SEMA3C: variants seen among roughly 807,000 people sequenced by gnomAD.
SEMA3C encodes semaphorin-3C.
A neutral mutation model predicts 89.4 loss-of-function variants in SEMA3C; 47 were observed. That is an observed-to-expected ratio of 0.53 (90% CI 0.42 to 0.67). SEMA3C has a LOEUF of 0.67. SEMA3C is among the 30% of genes least tolerant of loss of function. The pLI, the probability that SEMA3C is intolerant of heterozygous loss-of-function variation, is 0.00. For missense variants in SEMA3C, 839 were observed against 929.1 expected, an observed-to-expected ratio of 0.90 and a Z score of 1.26; for synonymous variants, 310 against 320.2, an observed-to-expected ratio of 0.97 and a Z score of 0.34.
In SEMA3C at chr7:80,893,332, C is replaced by T. The variant is rs1367547957; in HGVS notation, c.103+23347G>A. Among the ~76,000 whole-genome samples the T allele has an allele frequency of 2.0e-5, 3 of 152,078 alleles. No homozygotes were observed. The East Asian group carries it at 5.8e-4, about 29-fold the overall frequency. ...ATGACATGGTGTCTTAGACTCGAGG[C>T]AGAACAAATTGGGAAATTTATGTCT... On this transcript the variant is annotated intron_variant, in intron 2 of 17. Transcript: ENST00000265361.
intron 14 of SEMA3C, among the ~76,000 whole-genome samples, 172 bp from the exon 15 acceptor site, chr7:80,758,660 C>T (rs536934230): frequency 6.6e-6 from 1 of 152,230 alleles, no homozygotes; most frequent in Middle Eastern, 3.4e-3. Context: ...AATTTTCCTA[C>T]ATTAATATGC....
chr7:80,798,339 C>T, intron 10 of SEMA3C, 103 bp from the exon 11 acceptor site: 2 of 1,045,014 alleles, frequency 1.9e-6, no homozygotes. Context: ...TATAATCCAC[C>T]ATAGAAAAGT....
intron 16 of SEMA3C, among the ~76,000 whole-genome samples, chr7:80,750,465 T>TACACACACAC (rs1222077930): frequency 1.6e-5 from 1 of 63,898 alleles, no homozygotes; most frequent in Non-Finnish European, 3.2e-5. Flanking sequence ...TATATATATA[T>TACACACACAC]ATATATATAC....
At chr7:80,854,123 T>C (rs1790580101) in intron 2 of SEMA3C, among the ~76,000 whole-genome samples, 1 of 152,180 alleles carries the variant, frequency 6.6e-6, no homozygotes. Flanking sequence ...ACAATGACCC[T>C]GAAAAATACA....
chr7:80,762,589 C>A (rs543264810), intron 13 of SEMA3C, among the ~76,000 whole-genome samples: 3 of 152,186 alleles, frequency 2.0e-5, no homozygotes, highest in Admixed American at 1.3e-4. Flanking sequence ...GAGGCTGAGG[C>A]GGGCGGATCA....
intron 5 of SEMA3C, among the ~76,000 whole-genome samples, chr7:80,812,961 A>ATTTTTTTT (rs1215661147): frequency 3.2e-5 from 3 of 92,506 alleles, no homozygotes; most frequent in East Asian, 5.5e-4. Flanking sequence ...TATTTTTTGT[A>ATTTTTTTT]TTTTTTTTTT....
intron 12 of SEMA3C, among the ~76,000 whole-genome samples, chr7:80,769,772 T>G (rs536898232): frequency 7.0e-6 from 1 of 143,674 alleles, no homozygotes; most frequent in Admixed American, 7.5e-5. Context: ...GGCATGAGAA[T>G]CGCTCGAACC....
intron 8 of SEMA3C, among the ~76,000 whole-genome samples, chr7:80,803,539 CTA>C (rs2115677145): frequency 6.6e-6 from 1 of 152,258 alleles, no homozygotes; most frequent in Admixed American, 6.5e-5. Flanking sequence ...CTGTAAAACT[CTA>C]TTATAGAAAG....
At chr7:80,790,855 T>C (rs1399774979) in intron 11 of SEMA3C, among the ~76,000 whole-genome samples, 1 of 152,184 alleles carries the variant, frequency 6.6e-6, no homozygotes. Context: ...TGTAAGCTTG[T>C]GCTGACTGTA....
chr7:80,868,861 G>T (rs900791590), intron 2 of SEMA3C, among the ~76,000 whole-genome samples: 1 of 152,056 alleles, frequency 6.6e-6, no homozygotes, highest in African/African-American at 2.4e-5. Flanking sequence ...AAACATTTTA[G>T]AAAACAATTT....
chr7:80,803,745 A>G (rs766863854), intron 8 of SEMA3C, among the ~76,000 whole-genome samples: 1 of 152,120 alleles, frequency 6.6e-6, no homozygotes, highest in Non-Finnish European at 1.5e-5. Flanking sequence ...TTTAGGTAAT[A>G]TGCAATTTAG....
Position 80,789,429 on chromosome 7 carries a change from T to C in SEMA3C, c.1231A>G (p.Ile411Val), listed in dbSNP as rs1788882540. The C allele has an allele frequency of 1.2e-6, 2 of 1,613,984 alleles. No individual in the cohort carries two copies. The highest frequency in any genetic ancestry group is 1.3e-5 in the African/African-American group (1 of 74,924). The change falls in exon 12 of 18, where the codon ATC (isoleucine) becomes GTC (valine). Residue 411 changes from isoleucine to valine, a missense_variant. Transcript: ENST00000265361. ...IRNHPLMYNS[I>V]YPIHKRPLIV... is the part of the protein sequence containing the mutation. ...AAAGGCCTTTTGTGGATTGGGTAGATGGAATTGTACATGAGAGGATGGTTC... is the reference window on the plus strand; with the variant it reads ...AAAGGCCTTTTGTGGATTGGGTAGACGGAATTGTACATGAGAGGATGGTTC...
intron 2 of SEMA3C, among the ~76,000 whole-genome samples, chr7:80,912,957 G>T (rs1792187201): frequency 6.6e-6 from 1 of 152,122 alleles, no homozygotes; most frequent in Admixed American, 6.5e-5. Context: ...AGTTCACAGG[G>T]ATTCTTTTAT....
intron 2 of SEMA3C, among the ~76,000 whole-genome samples, chr7:80,861,868 A>G (rs539927616): frequency 6.6e-6 from 1 of 152,340 alleles, no homozygotes; most frequent in South Asian, 2.1e-4. Flanking sequence ...CAGATGCAGA[A>G]AAAGCATTTG....
rs762795611 is a variant in SEMA3C, at chr7:80,828,739, C to T, written c.110G>A (p.Arg37Gln). 93 of 1,603,518 alleles carry T rather than the reference C, an allele frequency of 5.8e-5. No individual in the cohort carries two copies. The highest frequency in any genetic ancestry group is 1.3e-4 in the East Asian group (6 of 44,720). The change falls in exon 3 of 18, where the codon CGA becomes CAA. Residue 37 changes from arginine (R) to glutamine (Q), a missense_variant. Physicochemically the swap from Arg to Gln is conservative, Grantham distance 43 (BLOSUM62 1). Coordinates refer to ENST00000265361, the MANE Select transcript of SEMA3C (RefSeq NM_006379.5). Reference sequence around the variant, plus strand: ...GAAGTATTCAGAGGTCTTGGTTTCTCGAAGTTCTGAAAGAGTGAACAGCAC... The same window carrying T: ...GAAGTATTCAGAGGTCTTGGTTTCTTGAAGTTCTGAAAGAGTGAACAGCAC... ...ARVYLTFDEL[R>Q]ETKTSEYFSL...
intron 2 of SEMA3C, among the ~76,000 whole-genome samples, chr7:80,915,035 T>C (rs1279464251): frequency 6.6e-6 from 1 of 152,180 alleles, no homozygotes; most frequent in Non-Finnish European, 1.5e-5. Context: ...TTTCATGTAA[T>C]GGAAAAGAAA....
chr7:80,913,164 G>A (rs1374502811), intron 2 of SEMA3C, among the ~76,000 whole-genome samples: 17 of 152,148 alleles, frequency 1.1e-4, no homozygotes, highest in Admixed American at 1.0e-3. Context: ...AATTTGGGAG[G>A]CTGAGACAGG....
At chr7:80,912,753 G>A (rs1792181595) in intron 2 of SEMA3C, among the ~76,000 whole-genome samples, 1 of 152,168 alleles carries the variant, frequency 6.6e-6, no homozygotes, top group Non-Finnish European at 1.5e-5. Context: ...TACACCCAGA[G>A]TAAGCATCTT....
intron 2 of SEMA3C, among the ~76,000 whole-genome samples, chr7:80,849,326 G>A (rs951949620): frequency 2.0e-5 from 3 of 151,158 alleles, no homozygotes; most frequent in Non-Finnish European, 4.4e-5. Context: ...GTAAAACTCC[G>A]ATGCTTTTGC....
Sources: gnomAD v4.1 joint callset for allele counts (sites outside exome capture counted in the v4.1 genomes callset) on GRCh38, gnomAD v4.1.1 for gene constraint, MANE v1.5 for transcripts, NCBI Gene and HGNC (gene_info 2026-07-23, HGNC 2026-07-21) for gene names.